Variants in HLA-F observed in about 807,000 individuals in gnomAD.
HLA-F encodes the protein major histocompatibility complex, class I, F.
In HLA-F, 46 loss-of-function variants were observed where a neutral mutation model predicts 49.5. That is an observed-to-expected ratio of 0.93 (90% CI 0.73 to 1.19). The LOEUF (loss-of-function observed/expected upper bound fraction) is 1.19. Ranked by LOEUF, HLA-F falls within the 50% of genes most tolerant of loss-of-function variation. HLA-F has a pLI of 0.00. For missense variants in HLA-F, 496 were observed against 579.6 expected (o/e 0.86, Z 1.48); for synonymous variants, 203 against 233.5 (o/e 0.87, Z 1.19).
downstream of HLA-F, among the ~76,000 whole-genome samples, chr6:29,727,583 A>G (rs1424609957): frequency 6.6e-6 from 1 of 152,118 alleles, no homozygotes; most frequent in African/African-American, 2.4e-5. Context: ...CTAAGGACCT[A>G]TGTAGCTCTG....
At chr6:29,726,268 G>T (rs774407044) in intron 6 of HLA-F, 3 of 981,140 alleles carry the variant, frequency 3.1e-6, no homozygotes, top group Admixed American at 3.7e-5. Flanking sequence ...GTGGGGTGTT[G>T]GGGGGGAACA....
downstream of HLA-F, among the ~76,000 whole-genome samples, chr6:29,731,411 G>T (rs1776597740): frequency 6.6e-6 from 1 of 152,156 alleles, no homozygotes; most frequent in Admixed American, 6.5e-5. Flanking sequence ...AAAGGCCTGA[G>T]GGGCCAGAGG....
At position 29,724,216 on chromosome 6, in the gene HLA-F, C is replaced by T. The variant is rs756202533; in HGVS notation, c.378C>T (p.Pro126=). The T allele has an allele frequency of 6.2e-7, 1 of 1,613,066 alleles. No homozygotes were observed. Among genetic ancestry groups the T allele is most frequent in the Admixed American group, 1.7e-5 (1 of 60,024 alleles). ...GAATGAATGGCTGCGACATGGGGCC[C>T]GACGGACGCCTCCTCCGCGGGTATC... ...LQGMNGCDMG[P]DGRLLRGYHQ... is the part of the protein sequence containing the mutation. The change falls in exon 3 of 7, where the codon CCC becomes CCT. Residue 126 remains proline (P), a synonymous_variant. Transcript: ENST00000259951.
downstream of HLA-F, chr6:29,727,430 C>T (rs1423176502): frequency 2.4e-6 from 1 of 411,034 alleles, no homozygotes; most frequent in African/African-American, 2.1e-5. Flanking sequence ...CAATCTATAA[C>T]AATCAACCCA....
At position 29,727,205 on chromosome 6, in the gene HLA-F, G is replaced by T. The variant is rs141636680; in HGVS notation, c.*30G>T. On this transcript the variant is annotated 3_prime_UTR_variant, in exon 7 of 7. Transcript: ENST00000259951. ...TTCTAAAGTAAGTTGCAAGACCCAT[G>T]ATACTAGACCACTAAATACTTCATC... 35 of 1,424,034 alleles carry T rather than the reference G, an allele frequency of 2.5e-5. No individual in the cohort carries two copies. The East Asian group carries it at 7.0e-4, about 29-fold the overall frequency. 88.2% of individuals were successfully genotyped at this position (1,424,034 alleles called of 1,614,324 possible).
intron 3 of HLA-F, among the ~76,000 whole-genome samples, chr6:29,733,585 A>T (rs898314890): frequency 5.9e-5 from 9 of 152,236 alleles, no homozygotes; most frequent in Non-Finnish European, 1.2e-4. Flanking sequence ...ACCTGTGAAT[A>T]GTCACTTCTC....
chr6:29,725,485 G>A lies in HLA-F; in HGVS notation c.925G>A (p.Val309Ile), dbSNP rs1327653796. The A allele has an allele frequency of 1.4e-5, 23 of 1,614,030 alleles. No individual in the cohort carries two copies. Among genetic ancestry groups the A allele is most frequent in the Admixed American group, 6.7e-5 (4 of 60,016 alleles). ...GCCCACCATCCCCATCGTGGGCATCGTTGCTGGCCTTGTTGTCCTTGGAGC... is the reference window on the plus strand; with the variant it reads ...GCCCACCATCCCCATCGTGGGCATCATTGCTGGCCTTGTTGTCCTTGGAGC... ...PQPTIPIVGI[V>I]AGLVVLGAVV... is the part of the protein sequence containing the mutation. Residue 309 changes from valine (V) to isoleucine (I), a missense_variant, in exon 5 of 7, where the codon GTT (valine) becomes ATT (isoleucine). Val to Ile is a conservative substitution (Grantham distance 29, BLOSUM62 3). Coordinates refer to ENST00000259951, the MANE Select transcript of HLA-F (RefSeq NM_001098479.2).
rs61739958 is a variant in HLA-F at position 29,723,668 on chromosome 6, C to A, written c.75C>A (p.Ser25=). The change falls in exon 2 of 7, where the codon TCC becomes TCA. Residue 25 remains serine, a synonymous_variant. Coordinates refer to ENST00000259951, the MANE Select transcript of HLA-F (RefSeq NM_001098479.2). ...CCTCCTCGCCCCCAGGCTCCCACTC[C>A]TTGAGGTATTTCAGCACCGCTGTGT... ...ALTDTWAGSH[S]LRYFSTAVSR... 1.0e-3 allele frequency: 1,653 copies of A among 1,610,070 alleles called. 10 individuals are homozygous for A. The African/African-American group carries it at 0.016, about 16-fold the overall frequency.
intron 3 of HLA-F, chr6:29,736,431 C>T (rs1249602852): frequency 1.8e-5 from 8 of 453,130 alleles, no homozygotes; most frequent in South Asian, 1.3e-4. Context: ...TAAGGACTTT[C>T]AGTAATGGAG....
At chr6:29,726,724 C>G in intron 6 of HLA-F, 159 bp from the exon 7 acceptor site, 1 of 1,224,224 alleles carries the variant, frequency 8.2e-7, no homozygotes, top group Non-Finnish European at 1.2e-6. Flanking sequence ...AGGAGCCAGT[C>G]GAACATATGC....
At position 29,727,045 on chromosome 6, in the gene HLA-F, C is replaced by T; in HGVS notation, c.1199C>T (p.Thr400Ile). Residue 400 changes from threonine to isoleucine, a missense_variant, in exon 7 of 7, where the codon ACA (threonine) becomes ATA (isoleucine). By Grantham distance (89) the Thr-to-Ile change is moderately conservative. Coordinates refer to ENST00000259951, the MANE Select transcript of HLA-F (RefSeq NM_001098479.2). ...ATCTTGTTTTTTTTGTGGCTGTGGA[C>T]ATCTTTCAACACTGCCTTCTTGGCC... ...MWILFFLWLW[T>I]SFNTAFLALQ... The T allele has an allele frequency of 6.2e-7, 1 of 1,613,244 alleles. No homozygotes were observed. Among genetic ancestry groups the T allele is most frequent in the East Asian group, 2.2e-5 (1 of 44,888 alleles).
downstream of HLA-F, among the ~76,000 whole-genome samples, chr6:29,732,007 C>T (rs2523400): frequency 0.56 from 85,117 of 151,988 alleles, 24,046 homozygotes; most frequent in East Asian, 0.72. Context: ...CTCTGTAGCC[C>T]GGTCTGGAGG....
chr6:29,724,355 T>C lies in HLA-F; in HGVS notation c.517T>C (p.Tyr173His), dbSNP rs751525597. The change falls in exon 3 of 7, where the codon TAT becomes CAT. Residue 173 changes from tyrosine (Y) to histidine (H), a missense_variant. Transcript: ENST00000259951. ...ITQRFYEAEE[Y>H]AEEFRTYLEG... ...CCAGCGCTTCTATGAGGCAGAGGAA[T>C]ATGCAGAGGAGTTCAGGACCTACCT... The C allele has an allele frequency of 4.3e-6, 7 of 1,613,028 alleles. No homozygotes were observed. The African/African-American group carries it at 9.3e-5, about 22-fold the overall frequency.
downstream of HLA-F, chr6:29,728,227 CT>C (rs779519413): frequency 2.1e-4 from 81 of 384,036 alleles, no homozygotes; most frequent in Non-Finnish European, 3.7e-4. Context: ...CTTTCTCTCC[CT>C]TGAGTACAAG....
rs1411778291 is a variant in HLA-F, at chr6:29,727,253, C to G, written c.*78C>G. 1 of 849,722 alleles carries G rather than the reference C, an allele frequency of 1.2e-6. No individual in the cohort carries two copies. Among genetic ancestry groups the G allele is most frequent in the Admixed American group, 2.6e-5 (1 of 38,028 alleles). 52.6% of individuals were successfully genotyped at this position (849,722 alleles called of 1,614,324 possible). On this transcript the variant is annotated 3_prime_UTR_variant, in exon 7 of 7. Transcript: ENST00000259951. ...ATCACACACCTCCTAAGAATAAGAA[C>G]CAACATTATCACACCAAAGAAAATA...
downstream of HLA-F, chr6:29,727,399 T>G: frequency 2.1e-6 from 1 of 470,624 alleles, no homozygotes; most frequent in Non-Finnish European, 3.7e-6. Context: ...TTGCCTTTGG[T>G]TATGTTTCTT....
downstream of HLA-F, among the ~76,000 whole-genome samples, chr6:29,730,947 G>T (rs1776523673): frequency 6.6e-6 from 1 of 152,018 alleles, no homozygotes; most frequent in South Asian, 2.1e-4. Flanking sequence ...CCCCTGCTGT[G>T]ACTCCCACAT....
At chr6:29,731,638 A>G (rs1394578824), downstream of HLA-F, among the ~76,000 whole-genome samples, 3 of 152,076 alleles carry the variant, frequency 2.0e-5, no homozygotes, top group East Asian at 5.8e-4. Context: ...CCGCTCAGTC[A>G]CTCACATGCC....
In HLA-F at chr6:29,727,095, G is replaced by A. The variant is rs758244137; in HGVS notation, c.1249G>A (p.Gly417Ser). The A allele has an allele frequency of 2.1e-5, 34 of 1,612,638 alleles. No homozygotes were observed. Among genetic ancestry groups the A allele is most frequent in the Non-Finnish European group, 2.4e-5 (28 of 1,179,970 alleles). The change falls in exon 7 of 7, where the codon GGC (glycine) becomes AGC (serine). Residue 417 changes from glycine (G) to serine (S), a missense_variant. By Grantham distance (56) the Gly-to-Ser change is moderately conservative. Coordinates refer to ENST00000259951, the MANE Select transcript of HLA-F (RefSeq NM_001098479.2). ...CTTGCAAAGCCTTCGCTTTGGCTTCGGCTTTAGGAGGGGCAGGAGCTTCCT... is the reference window on the plus strand; with the variant it reads ...CTTGCAAAGCCTTCGCTTTGGCTTCAGCTTTAGGAGGGGCAGGAGCTTCCT... ...LALQSLRFGF[G>S]FRRGRSFLLR...
Sources: allele counts gnomAD v4.1 joint callset (sites outside exome capture counted in the v4.1 genomes callset), GRCh38; gene constraint gnomAD v4.1.1; transcripts MANE v1.5; gene names NCBI Gene and HGNC (gene_info 2026-07-23, HGNC 2026-07-21).